Variants in CABP1 observed in about 807,000 individuals in gnomAD.
CABP1 encodes calcium-binding protein 1.
CABP1 carries 17 observed loss-of-function variants against 34.3 expected under a neutral mutation model. The observed-to-expected ratio is 0.50, with a 90% CI of 0.34 to 0.74. The LOEUF (loss-of-function observed/expected upper bound fraction) is 0.74. Among genes scored for constraint, CABP1 ranks in the 30% least tolerant of loss-of-function variants. The probability of loss-of-function intolerance (pLI) is 0.01; values close to 1 mark genes in which losing one functional copy is unlikely to be tolerated. For synonymous variants in CABP1, 198 were observed against 229.2 expected, an observed-to-expected ratio of 0.86 and a Z score of 1.23; for missense variants, 373 against 511.1, an observed-to-expected ratio of 0.73 and a Z score of 2.61.
rs1879318687 is a variant in CABP1 at position 120,641,456 on chromosome 12, G to T, written c.654+117G>T. The T allele has an allele frequency of 2.7e-6, 3 of 1,109,506 alleles. No homozygotes were observed. Among genetic ancestry groups the T allele is most frequent in the Non-Finnish European group, 3.4e-6 (3 of 877,122 alleles). 68.7% of individuals were successfully genotyped at this position (1,109,506 alleles called of 1,614,324 possible). On this transcript the variant is annotated intron_variant, in intron 1 of 5. Coordinates refer to ENST00000316803, the MANE Select transcript of CABP1 (RefSeq NM_001033677.2). This position sits in a 1 kb window ranked among gnomAD's most constrained non-coding sequence, Gnocchi z 6.7. ...CGTGGTCCCCCACGGATCACGCCTC[G>T]GCTCACCTCGTCCTCCCCGGGCCGG...
At chr12:120,665,326 TG>T (rs1040123613) in intron 5 of CABP1, among the ~76,000 whole-genome samples, 6 of 151,872 alleles carry the variant, frequency 4.0e-5, no homozygotes, top group African/African-American at 1.5e-4. Context: ...CCTGGAGAGC[TG>T]AGGTGGGAGG....
intron 1 of CABP1, among the ~76,000 whole-genome samples, chr12:120,649,654 C>A (rs1188976550): frequency 6.6e-6 from 1 of 152,130 alleles, no homozygotes; most frequent in Non-Finnish European, 1.5e-5. Context: ...GTTCAGAGAC[C>A]TTTTGCTCAT....
intron 1 of CABP1, among the ~76,000 whole-genome samples, chr12:120,654,597 C>T (rs1477948101): frequency 6.6e-6 from 1 of 152,212 alleles, no homozygotes; most frequent in African/African-American, 2.4e-5. Context: ...AGGTCCTACT[C>T]TAGCTAAATC....
intron 1 of CABP1, chr12:120,650,173 G>C (rs771420850): frequency 6.3e-6 from 1 of 159,284 alleles, no homozygotes; most frequent in South Asian, 1.8e-4. Context: ...CTGCCATTCT[G>C]GGCCCCCCTC....
chr12:120,659,994 G>A, intron 2 of CABP1, 86 bp downstream of exon 2: 1 of 1,403,748 alleles, frequency 7.1e-7, no homozygotes, highest in South Asian at 1.2e-5. Flanking sequence ...GAGGCCCCTG[G>A]AAATGGGGCC....
At chr12:120,655,420 G>T (rs1565997752) in intron 1 of CABP1, 6 of 450,394 alleles carry the variant, frequency 1.3e-5, no homozygotes, top group Non-Finnish European at 1.8e-5. Context: ...GCGACAGAGT[G>T]CACTAGCCAC....
chr12:120,640,875 A>G lies in CABP1; in HGVS notation c.190A>G (p.Lys64Glu). ...GPAAMSSHIA[K>E]SESKTSLLKA... ...CGCCGCGATGAGCTCGCACATCGCC[A>G]AAAGCGAGTCCAAGACGTCGCTGCT... The change falls in exon 1 of 6, where the codon AAA (lysine) becomes GAA (glutamate). Residue 64 changes from lysine to glutamate, a missense_variant. Transcript: ENST00000316803. The surrounding 1 kb of genome is among the most constrained non-coding windows in gnomAD (Gnocchi z 6.2). The G allele has an allele frequency of 9.2e-7, 1 of 1,084,416 alleles. No homozygotes were observed. The highest frequency in any genetic ancestry group is 1.1e-6 in the Non-Finnish European group (1 of 895,142). The allele number at this position is 1,084,416 out of a possible 1,614,324, so 67.2% of individuals were successfully genotyped here. A position where few individuals can be genotyped will look rare whatever the true frequency, so the allele number is the denominator to read the frequency against.
chr12:120,650,598 A>T (rs763362314), intron 1 of CABP1: 1 of 1,613,720 alleles, frequency 6.2e-7, no homozygotes, highest in Non-Finnish European at 8.5e-7. Flanking sequence ...AGCCTCCTTC[A>T]TGGACCCGGG....
intron 1 of CABP1, chr12:120,656,175 C>G (rs766332693): frequency 1.2e-6 from 2 of 1,613,812 alleles, no homozygotes; most frequent in Non-Finnish European, 1.7e-6. Flanking sequence ...CTCCCGGGAC[C>G]GCTCCTGATG....
At chr12:120,677,810 C>T in the CABP1 span, among the ~76,000 whole-genome samples, 1 of 152,164 alleles carries the variant, frequency 6.6e-6, no homozygotes, top group Admixed American at 6.5e-5. Context: ...AATGATTTGT[C>T]CAAGGCCACC....
rs982090082 is a variant in CABP1 at position 120,660,293 on chromosome 12, C to T, written c.783C>T (p.Pro261=). ...GCATGCGCACCATGGGCTACATGCC[C>T]ACCGAGATGGAGCTCATCGAACTGT... ...GNCMRTMGYM[P]TEMELIELSQ... The change falls in exon 3 of 6, where the codon CCC becomes CCT. Residue 261 remains proline (P), a synonymous_variant. Coordinates refer to ENST00000316803, the MANE Select transcript of CABP1 (RefSeq NM_001033677.2). The surrounding 1 kb of genome is among the most constrained non-coding windows in gnomAD (Gnocchi z 5.0). The T allele has an allele frequency of 1.4e-5, 22 of 1,614,000 alleles. No individual in the cohort carries two copies. In the African/African-American group the frequency reaches 2.8e-4, roughly 21 times the overall value.
chr12:120,675,650 G>A, the CABP1 span, among the ~76,000 whole-genome samples: 14 of 152,154 alleles, frequency 9.2e-5, no homozygotes, highest in African/African-American at 2.7e-4. Context: ...TTTATTGTAC[G>A]ACAATATGTT....
rs1880564453 is a variant in CABP1, at chr12:120,660,608, A to G, written c.830-123A>G. 2 of 762,286 alleles carry G rather than the reference A, an allele frequency of 2.6e-6. No individual in the cohort carries two copies. The highest frequency in any genetic ancestry group is 1.6e-5 in the South Asian group (1 of 61,954). The allele number at this position is 762,286 out of a possible 1,614,324, so 47.2% of individuals were successfully genotyped here. A position where few individuals can be genotyped will look rare whatever the true frequency, so the allele number is the denominator to read the frequency against. ...AAGAACTGAACAGAGGGCTCTTGTT[A>G]TTATTAAGTTTGTCTCTATCTGATG... On this transcript the variant is annotated intron_variant, in intron 3 of 5. Coordinates refer to ENST00000316803, the MANE Select transcript of CABP1 (RefSeq NM_001033677.2). The surrounding 1 kb of genome is among the most constrained non-coding windows in gnomAD (Gnocchi z 5.0).
At chr12:120,672,921 T>C in the CABP1 span, among the ~76,000 whole-genome samples, 1 of 151,942 alleles carries the variant, frequency 6.6e-6, no homozygotes, top group African/African-American at 2.4e-5. Flanking sequence ...TCTCAGCTAC[T>C]CAGGAGGCTG....
Position 120,640,688 on chromosome 12 carries a change from G to GGGC in CABP1, c.11_13dup (p.Gly4dup). The GGGC allele has an allele frequency of 7.6e-6, 9 of 1,185,838 alleles. No individual in the cohort carries two copies. The highest frequency in any genetic ancestry group is 9.4e-6 in the Non-Finnish European group (9 of 958,088). The allele number at this position is 1,185,838 out of a possible 1,614,324, so 73.5% of individuals were successfully genotyped here. A position where few individuals can be genotyped will look rare whatever the true frequency, so the allele number is the denominator to read the frequency against. On this transcript the variant is annotated inframe_insertion, in exon 1 of 6. Coordinates refer to ENST00000316803, the MANE Select transcript of CABP1 (RefSeq NM_001033677.2). The surrounding 1 kb of genome is among the most constrained non-coding windows in gnomAD (Gnocchi z 6.2). Reference sequence around the variant, plus strand: ...GGGCGTAGAGGCTGCGCTGTCACATGGGCGGCGGCGACGGGGCCGCATTTA... The same window carrying GGGC: ...GGGCGTAGAGGCTGCGCTGTCACATGGGCGGCGGCGGCGACGGGGCCGCATTTA...
the CABP1 span, among the ~76,000 whole-genome samples, chr12:120,674,919 A>AC: frequency 0.08 from 12,094 of 151,630 alleles, 642 homozygotes; most frequent in African/African-American, 0.15. Flanking sequence ...AAAAAAAAAA[A>AC]ACACCAAAAA....
Position 120,660,763 on chromosome 12 carries a change from G to C in CABP1, c.862G>C (p.Glu288Gln), listed in dbSNP as rs767519753. Residue 288 changes from glutamate to glutamine, a missense_variant, in exon 4 of 6, where the codon GAG becomes CAG. Glu to Gln is a conservative substitution (Grantham distance 29). Coordinates refer to ENST00000316803, the MANE Select transcript of CABP1 (RefSeq NM_001033677.2). The surrounding 1 kb of genome is among the most constrained non-coding windows in gnomAD (Gnocchi z 5.0). ...CCATGTAGATTTTGATGACTTCGTG[G>C]AGCTAATGGGGCCTAAACTCCTGGC... ...GGHVDFDDFV[E>Q]LMGPKLLAET... 4 of 1,614,002 alleles carry C rather than the reference G, an allele frequency of 2.5e-6. No individual in the cohort carries two copies. In the South Asian group the frequency reaches 4.4e-5, roughly 18 times the overall value.
chr12:120,671,355 G>A (rs1025128160), downstream of CABP1, among the ~76,000 whole-genome samples: 22 of 152,188 alleles, frequency 1.4e-4, no homozygotes, highest in African/African-American at 4.3e-4. Context: ...CCGAGATTGC[G>A]CCACTGCACT....
rs1456704803 is a variant in CABP1 at position 120,641,976 on chromosome 12, G to T, written c.654+637G>T. ...GGCTGTCACTCTAGGGATGCCATTGGAAGGGTGAGAAAGGCCACAAAGAGG... is the reference window on the plus strand; with the variant it reads ...GGCTGTCACTCTAGGGATGCCATTGTAAGGGTGAGAAAGGCCACAAAGAGG... On this transcript the variant is annotated intron_variant, in intron 1 of 5. Coordinates refer to ENST00000316803, the MANE Select transcript of CABP1 (RefSeq NM_001033677.2). The surrounding 1 kb of genome is among the most constrained non-coding windows in gnomAD (Gnocchi z 6.7). Among the ~76,000 whole-genome samples the T allele has an allele frequency of 2.6e-5, 4 of 152,194 alleles. No homozygotes were observed. The highest frequency in any genetic ancestry group is 5.9e-5 in the Non-Finnish European group (4 of 68,036).
Sources: allele counts gnomAD v4.1 joint callset (sites outside exome capture counted in the v4.1 genomes callset), GRCh38; gene constraint gnomAD v4.1.1; non-coding constraint Gnocchi (gnomAD v3.1); transcripts MANE v1.5; gene names NCBI Gene and HGNC (gene_info 2026-07-23, HGNC 2026-07-21).